The following PAPLN variants were observed in gnomAD, a reference collection of about 807,000 sequenced individuals.
PAPLN encodes papilin.
Under a neutral mutation model 159.0 loss-of-function variants are expected in PAPLN, and 146 were observed. That is an observed-to-expected ratio of 0.92 (90% confidence interval 0.80 to 1.05). The LOEUF is 1.05. Among genes scored for constraint, PAPLN ranks in the 50% least tolerant of loss-of-function variants. The pLI is 0.00. For missense variants in PAPLN, 1,720 were observed against 1,743.9 expected, an observed-to-expected ratio of 0.99 and a Z score of 0.24; for synonymous variants, 734 against 702.9, an observed-to-expected ratio of 1.04 and a Z score of -0.70.
intron 2 of PAPLN, among the ~76,000 whole-genome samples, chr14:73,240,805 G>T (rs1243508619): frequency 6.6e-6 from 1 of 152,172 alleles, no homozygotes. Context: ...CCCACCTTTG[G>T]GGAGGAGGGG....
At chr14:73,248,913 T>C (rs1816389253) in intron 5 of PAPLN, among the ~76,000 whole-genome samples, 1 of 152,252 alleles carries the variant, frequency 6.6e-6, no homozygotes, top group African/African-American at 2.4e-5. Context: ...GGAGGATCAT[T>C]TGAGCCCAGG....
intron 2 of PAPLN, 96 bp from the exon 3 acceptor site, chr14:73,244,548 T>TG: frequency 9.9e-7 from 1 of 1,010,926 alleles, no homozygotes; most frequent in Non-Finnish European, 1.5e-6. Flanking sequence ...GACTCCTTGA[T>TG]GGGTAGGGGA....
At position 73,252,691 on chromosome 14, in the gene PAPLN, C is replaced by T. The variant is rs1885426520; in HGVS notation, c.1010C>T (p.Ala337Val). 7 of 1,613,422 alleles carry T rather than the reference C, an allele frequency of 4.3e-6. No individual in the cohort carries two copies. The highest frequency in any genetic ancestry group is 5.9e-6 in the Non-Finnish European group (7 of 1,180,004). The change falls in exon 11 of 27, where the codon GCC (alanine) becomes GTC (valine). Residue 337 changes from alanine (A) to valine (V), a missense_variant. Physicochemically the swap from Ala to Val is moderately conservative, Grantham distance 64 (BLOSUM62 0). Transcript: ENST00000644200. ...RLVFCTIDHEAYPDHMCQRQP... is the reference protein window; with the variant it reads ...RLVFCTIDHEVYPDHMCQRQP... Reference sequence around the variant, plus strand: ...GTGTTCTGCACCATCGACCATGAGGCCTACCCCGACCACATGTGCCAGCGC... The same window carrying T: ...GTGTTCTGCACCATCGACCATGAGGTCTACCCCGACCACATGTGCCAGCGC...
Position 73,260,751 on chromosome 14 carries a change from C to G in PAPLN, c.2028C>G (p.Pro676=). Residue 676 remains proline, a synonymous_variant, in exon 17 of 27, where the codon CCC becomes CCG. Transcript: ENST00000644200. Reference sequence around the variant, plus strand: ...ACAGGGTATCTGTCGCTGAGGGGCCCCATCACGCTGGCTGCACAAAGTCGT... The same window carrying G: ...ACAGGGTATCTGTCGCTGAGGGGCCGCATCACGCTGGCTGCACAAAGTCGT... ...CPDRVSVAEG[P]HHAGCTKSYG... 6.8e-7 allele frequency: 1 copy of G among 1,475,618 alleles called. No individual in the cohort carries two copies. The highest frequency in any genetic ancestry group is 1.5e-5 in the South Asian group (1 of 67,616). 91.4% of individuals were successfully genotyped at this position (1,475,618 alleles called of 1,614,324 possible). A position where few individuals can be genotyped will look rare whatever the true frequency, so the allele number is the denominator to read the frequency against.
chr14:73,265,398 G>C lies in PAPLN; in HGVS notation c.3154G>C (p.Val1052Leu). The change falls in exon 23 of 27, where the codon GTG becomes CTG. Residue 1052 changes from valine (V) to leucine (L), a missense_variant. Transcript: ENST00000644200. This position sits in a 1 kb window ranked among gnomAD's most constrained non-coding sequence, Gnocchi z 4.1. Reference protein sequence around the residue: ...RLRLDQNQPRVVDASPGQRIR... With the variant: ...RLRLDQNQPRLVDASPGQRIR... Reference sequence around the variant, plus strand: ...GCGTTTGGACCAGAACCAGCCCCGGGTGGTGGATGCCAGTCCAGGCCAGCG... The same window carrying C: ...GCGTTTGGACCAGAACCAGCCCCGGCTGGTGGATGCCAGTCCAGGCCAGCG... 1 of 1,611,722 alleles carries C rather than the reference G, an allele frequency of 6.2e-7. No individual in the cohort carries two copies. Among genetic ancestry groups the C allele is most frequent in the Non-Finnish European group, 8.5e-7 (1 of 1,179,992 alleles).
At chr14:73,272,360 C>T in intron 26 of PAPLN, 135 bp from the exon 27 acceptor site, 3 of 790,968 alleles carry the variant, frequency 3.8e-6, no homozygotes, top group Non-Finnish European at 3.8e-6. Flanking sequence ...TAAAAGGTTA[C>T]AGGGTAAGTG....
chr14:73,272,300 C>T (rs904159664), intron 26 of PAPLN, 195 bp from the exon 27 acceptor site: 3 of 454,410 alleles, frequency 6.6e-6, no homozygotes, highest in Admixed American at 7.8e-5. Context: ...TGAAGTGAGG[C>T]CAAGAAACAG....
intron 14 of PAPLN, among the ~76,000 whole-genome samples, chr14:73,258,365 T>C (rs1176234670): frequency 6.6e-6 from 1 of 152,196 alleles, no homozygotes; most frequent in East Asian, 1.9e-4. Context: ...CACTTTTTAA[T>C]TGGATTGTTT....
At chr14:73,261,113 C>T (rs755554669) in intron 17 of PAPLN, 43 bp from the exon 18 acceptor site, 9 of 1,613,710 alleles carry the variant, frequency 5.6e-6, no homozygotes, top group African/African-American at 1.3e-5. Context: ...CCAACAATGG[C>T]CAGATCCACT....
Position 73,272,909 on chromosome 14 carries a change from CTGTT to C in PAPLN, c.*248_*251del. 1 of 373,500 alleles carries C rather than the reference CTGTT, an allele frequency of 2.7e-6. No individual in the cohort carries two copies. Among genetic ancestry groups the C allele is most frequent in the East Asian group, 4.0e-5 (1 of 24,994 alleles). The allele number at this position is 373,500 out of a possible 1,614,324, so 23.1% of individuals were successfully genotyped here. A position where few individuals can be genotyped will look rare whatever the true frequency, so the allele number is the denominator to read the frequency against. On this transcript the variant is annotated 3_prime_UTR_variant, in exon 27 of 27. Coordinates refer to ENST00000644200, the MANE Select transcript of PAPLN (RefSeq NM_001365906.3). The stretch of plus-strand genomic sequence containing the variant: ...GGCTGCTGTTTTCAAGAAGAGCAAT[CTGTT>C]TGGATAAGAAAAACCTTTACTTTAC...
chr14:73,266,677 G>C (rs1434801908), intron 24 of PAPLN, 46 bp from the exon 25 acceptor site: 1 of 1,614,042 alleles, frequency 6.2e-7, no homozygotes, highest in Non-Finnish European at 8.5e-7. Flanking sequence ...GCATGGGTAG[G>C]GCAGGATCTT....
intron 26 of PAPLN, 165 bp from the exon 27 acceptor site, chr14:73,272,330 A>G: frequency 3.6e-6 from 2 of 563,328 alleles, no homozygotes; most frequent in Middle Eastern, 5.2e-4. Flanking sequence ...ATCATCCCTC[A>G]TAGAGTTTGT....
intron 18 of PAPLN, among the ~76,000 whole-genome samples, chr14:73,261,813 T>C (rs1886620430): frequency 6.6e-6 from 1 of 152,116 alleles, no homozygotes; most frequent in Non-Finnish European, 1.5e-5. Context: ...GCACCCATGG[T>C]CATGTCTAAA....
At position 73,261,143 on chromosome 14, in the gene PAPLN, G is replaced by A. The variant is rs1424448619; in HGVS notation, c.2107-13G>A. Reference sequence around the variant, plus strand: ...TCCACTGCCCACTTCCCAATCATGGGTTTCCTCCCCAGGTCCACAACACCC... The same window carrying A: ...TCCACTGCCCACTTCCCAATCATGGATTTCCTCCCCAGGTCCACAACACCC... On this transcript the variant is annotated splice_polypyrimidine_tract_variant and intron_variant, in intron 17 of 26. Transcript: ENST00000644200. The A allele has an allele frequency of 6.2e-7, 1 of 1,614,018 alleles. No homozygotes were observed. Among genetic ancestry groups the A allele is most frequent in the South Asian group, 1.1e-5 (1 of 91,070 alleles).
In PAPLN at chr14:73,245,935, G is replaced by C; in HGVS notation, c.232-138G>C. 1 of 968,506 alleles carries C rather than the reference G, an allele frequency of 1.0e-6. No individual in the cohort carries two copies. The highest frequency in any genetic ancestry group is 1.5e-6 in the Non-Finnish European group (1 of 677,058). 60.0% of individuals were successfully genotyped at this position (968,506 alleles called of 1,614,324 possible). A position where few individuals can be genotyped will look rare whatever the true frequency, so the allele number is the denominator to read the frequency against. ...GCACGCACAGGAGTTCGGGGGTCCG[G>C]GGGGCGGACTCCACCTCCGGCGGCT... On this transcript the variant is annotated intron_variant, in intron 4 of 26. Coordinates refer to ENST00000644200, the MANE Select transcript of PAPLN (RefSeq NM_001365906.3). The surrounding 1 kb of genome is among the most constrained non-coding windows in gnomAD (Gnocchi z 4.2).
intron 12 of PAPLN, among the ~76,000 whole-genome samples, chr14:73,254,188 G>C: frequency 6.6e-6 from 1 of 152,220 alleles, no homozygotes; most frequent in East Asian, 1.9e-4. Flanking sequence ...GAAAGGCCTG[G>C]GCAGGAAGAA....
chr14:73,261,600 C>G (rs1027325135), intron 18 of PAPLN, among the ~76,000 whole-genome samples: 1 of 152,140 alleles, frequency 6.6e-6, no homozygotes, highest in African/African-American at 2.4e-5. Context: ...AGAGCCAGTG[C>G]AGGGCAGTTA....
Position 73,259,477 on chromosome 14 carries a change from C to G in PAPLN, c.1917C>G (p.Pro639=). Reference sequence around the variant, plus strand: ...GACACAGTCCTCACGGGTGCTGCCCCGATGGCCACACGGCATCTCTCGGGC... The same window carrying G: ...GACACAGTCCTCACGGGTGCTGCCCGGATGGCCACACGGCATCTCTCGGGC... ...DCRHSPHGCC[P]DGHTASLGPQ... The change falls in exon 16 of 27, where the codon CCC becomes CCG. Residue 639 remains proline, a synonymous_variant. Transcript: ENST00000644200. The G allele has an allele frequency of 6.2e-7, 1 of 1,608,684 alleles. No individual in the cohort carries two copies. Among genetic ancestry groups the G allele is most frequent in the South Asian group, 1.1e-5 (1 of 90,250 alleles).
At chr14:73,251,430 G>A (rs1885238243) in intron 7 of PAPLN, 56 bp from the exon 8 acceptor site, 3 of 1,533,340 alleles carry the variant, frequency 2.0e-6, no homozygotes, top group Middle Eastern at 1.7e-4. Context: ...TCCTGTTTGA[G>A]TGGTGCCGGG....
Sources: allele counts gnomAD v4.1 joint callset (sites outside exome capture counted in the v4.1 genomes callset), GRCh38; gene constraint gnomAD v4.1.1; non-coding constraint Gnocchi (gnomAD v3.1); transcripts MANE v1.5; gene names NCBI Gene and HGNC (gene_info 2026-07-23, HGNC 2026-07-21).